TSPAN12: variants seen among roughly 807,000 people sequenced by gnomAD.
TSPAN12 encodes the protein tetraspanin-12.
In TSPAN12, 19 loss-of-function variants were observed where a neutral mutation model predicts 39.2. The observed-to-expected ratio is 0.49, with a 90% CI of 0.34 to 0.71. The LOEUF is 0.71. Ranked by LOEUF, TSPAN12 falls within the 30% of genes least tolerant of loss-of-function variation. The pLI is 0.01. For synonymous variants in TSPAN12, 119 were observed against 124.8 expected (o/e 0.95, Z 0.31); for missense variants, 314 against 359.9 (o/e 0.87, Z 1.03).
chr7:120,787,479 G>A lies in TSPAN12; in HGVS notation c.*1113C>T, dbSNP rs1458056046. ...TTAATAATCTGTGTAATTTGCCACA[G>A]TATATTAATCAGTGAAATAAAACAA... On this transcript the variant is annotated 3_prime_UTR_variant, in exon 8 of 8. Transcript: ENST00000222747. The A allele has an allele frequency of 6.6e-6, 1 of 152,506 alleles. No individual in the cohort carries two copies. Among genetic ancestry groups the A allele is most frequent in the Non-Finnish European group, 1.5e-5 (1 of 67,978 alleles). The allele number at this position is 152,506 out of a possible 1,614,324, so 9.4% of individuals were successfully genotyped here.
At chr7:120,799,606 T>TTA (rs531794521) in intron 7 of TSPAN12, among the ~76,000 whole-genome samples, 3 of 114,334 alleles carry the variant, frequency 2.6e-5, no homozygotes, top group African/African-American at 1.1e-4. Context: ...TTATATATAA[T>TTA]TATATATATA....
At chr7:120,837,319 T>A (rs186561633) in intron 4 of TSPAN12, among the ~76,000 whole-genome samples, 1,507 of 140,824 alleles carry the variant, frequency 0.011, 12 homozygotes, top group Non-Finnish European at 0.012. Context: ...TTATTTATTT[T>A]TTTTTTTTTT....
At chr7:120,843,759 G>C (rs1400471766) in intron 2 of TSPAN12, among the ~76,000 whole-genome samples, 2 of 152,160 alleles carry the variant, frequency 1.3e-5, no homozygotes, top group Non-Finnish European at 2.9e-5. Flanking sequence ...ATACCTAATT[G>C]ACAGCAGAAC....
intron 1 of TSPAN12, 103 bp from the exon 2 acceptor site, chr7:120,856,936 C>G (rs1054812995): frequency 1.4e-6 from 1 of 700,484 alleles, no homozygotes; most frequent in Non-Finnish European, 2.6e-6. Flanking sequence ...CCAGAGGGTC[C>G]CGAGGCCCAG....
chr7:120,798,689 A>C (rs1252705645), intron 7 of TSPAN12, among the ~76,000 whole-genome samples: 1 of 152,198 alleles, frequency 6.6e-6, no homozygotes, highest in Non-Finnish European at 1.5e-5. Flanking sequence ...GACATACAGG[A>C]GTCTTCAGAA....
intron 4 of TSPAN12, among the ~76,000 whole-genome samples, chr7:120,817,957 G>A (rs1794116432): frequency 6.6e-6 from 1 of 152,122 alleles, no homozygotes; most frequent in African/African-American, 2.4e-5. Context: ...TGCAAACAAA[G>A]CAGAAAGGTA....
chr7:120,815,832 A>G (rs768317247), intron 4 of TSPAN12, 29 bp from the exon 5 acceptor site: 1 of 1,587,656 alleles, frequency 6.3e-7, no homozygotes, highest in Non-Finnish European at 8.6e-7. Flanking sequence ...GTATGCTGTT[A>G]TAGTATCAGA....
intron 2 of TSPAN12, among the ~76,000 whole-genome samples, chr7:120,843,732 G>A (rs1562952463): frequency 6.6e-6 from 1 of 152,132 alleles, no homozygotes. Context: ...GCCATCTCCT[G>A]GTCTGTTGGC....
chr7:120,853,687 A>G (rs1794813920), intron 2 of TSPAN12, among the ~76,000 whole-genome samples: 1 of 150,956 alleles, frequency 6.6e-6, no homozygotes, highest in African/African-American at 2.4e-5. Context: ...AGCCTGGCCA[A>G]TATGATGAAA....
Position 120,854,487 on chromosome 7 carries a change from C to T in TSPAN12, c.66+2211G>A, listed in dbSNP as rs1187485878. Among the ~76,000 whole-genome samples the T allele has an allele frequency of 3.3e-5, 5 of 152,190 alleles. No individual in the cohort carries two copies. In the East Asian group the frequency reaches 7.7e-4, roughly 23 times the overall value. On this transcript the variant is annotated intron_variant, in intron 2 of 7. Transcript: ENST00000222747. ...TGTATATATGTTAACTCTAATCCTC[C>T]TCACAACTCTAAAAGATAGGGAACT...
intron 5 of TSPAN12, among the ~76,000 whole-genome samples, chr7:120,815,137 A>G (rs1297698700): frequency 6.6e-6 from 1 of 152,216 alleles, no homozygotes; most frequent in African/African-American, 2.4e-5. Flanking sequence ...AATTAAAGAC[A>G]TATACAGAGT....
chr7:120,848,306 C>CAGTAGAGG (rs779204828), intron 2 of TSPAN12, among the ~76,000 whole-genome samples: 1 of 152,110 alleles, frequency 6.6e-6, no homozygotes, highest in Non-Finnish European at 1.5e-5. Context: ...CATCTCATCC[C>CAGTAGAGG]AGTAGAGGGC....
intron 7 of TSPAN12, among the ~76,000 whole-genome samples, chr7:120,794,820 G>C (rs925202239): frequency 1.3e-5 from 2 of 152,122 alleles, no homozygotes; most frequent in Non-Finnish European, 2.9e-5. Flanking sequence ...GACCTCCTCA[G>C]TCACTCTGTA....
intron 3 of TSPAN12, among the ~76,000 whole-genome samples, 170 bp downstream of exon 3, chr7:120,839,857 G>A (rs1794544945): frequency 6.6e-6 from 1 of 152,166 alleles, no homozygotes; most frequent in Non-Finnish European, 1.5e-5. Context: ...TAGGACCAGA[G>A]GCGCACCTTA....
At chr7:120,810,915 C>T (rs143759540) in intron 5 of TSPAN12, among the ~76,000 whole-genome samples, 79 of 152,280 alleles carry the variant, frequency 5.2e-4, no homozygotes, top group African/African-American at 1.9e-3. Flanking sequence ...CAAATAACCT[C>T]TGCAGAGAAA....
At chr7:120,805,551 T>A (rs73221207) in intron 7 of TSPAN12, among the ~76,000 whole-genome samples, 1 of 152,288 alleles carries the variant, frequency 6.6e-6, no homozygotes, top group Non-Finnish European at 1.5e-5. Flanking sequence ...TGCCTTGTGA[T>A]ACCAGGTACT....
intron 2 of TSPAN12, among the ~76,000 whole-genome samples, chr7:120,841,820 A>T (rs1465523407): frequency 6.6e-6 from 1 of 152,128 alleles, no homozygotes; most frequent in African/African-American, 2.4e-5. Flanking sequence ...TAATTGTTGA[A>T]ACTGGGTAAT....
intron 7 of TSPAN12, among the ~76,000 whole-genome samples, chr7:120,800,742 T>C (rs1793750864): frequency 1.7e-5 from 2 of 116,722 alleles, no homozygotes; most frequent in East Asian, 2.4e-4. Flanking sequence ...GTTTTCCTTA[T>C]CGTTTTTTTT....
intron 2 of TSPAN12, among the ~76,000 whole-genome samples, chr7:120,851,588 C>T (rs762722025): frequency 1.4e-4 from 22 of 152,124 alleles, no homozygotes; most frequent in Non-Finnish European, 2.6e-4. Flanking sequence ...AAATTACCAT[C>T]TAAGAAATAC....
Sources: gnomAD v4.1 joint callset for allele counts (sites outside exome capture counted in the v4.1 genomes callset) on GRCh38, gnomAD v4.1.1 for gene constraint, MANE v1.5 for transcripts, NCBI Gene and HGNC (gene_info 2026-07-23, HGNC 2026-07-21) for gene names.